Variants in GAS2 observed in about 807,000 individuals in gnomAD.
GAS2 encodes the protein growth arrest specific 2, also known as growth arrest-specific protein 2.
In GAS2, 20 loss-of-function variants were observed where a neutral mutation model predicts 37.5. That is an observed-to-expected ratio of 0.53 (90% CI 0.37 to 0.77). The LOEUF is 0.77. Among genes scored for constraint, GAS2 ranks in the 30% least tolerant of loss-of-function variants. GAS2 has a pLI of 0.00. For synonymous variants in GAS2, 144 were observed against 132.2 expected, an observed-to-expected ratio of 1.09 and a Z score of -0.61; for missense variants, 336 against 373.4, an observed-to-expected ratio of 0.90 and a Z score of 0.82.
At chr11:22,657,628 A>C (rs1848871281) in intron 1 of GAS2, among the ~76,000 whole-genome samples, 2 of 152,180 alleles carry the variant, frequency 1.3e-5, no homozygotes, top group South Asian at 4.1e-4. Context: ...AGGAAAACAG[A>C]GAAAGTAATA....
At chr11:22,727,358 C>T (rs1039650202) in intron 4 of GAS2, among the ~76,000 whole-genome samples, 1 of 152,034 alleles carries the variant, frequency 6.6e-6, no homozygotes, top group Admixed American at 6.6e-5. Context: ...GTAAGGTGAG[C>T]ATCCTTCAGA....
intron 5 of GAS2, among the ~76,000 whole-genome samples, chr11:22,748,774 G>A (rs1306797932): frequency 2.8e-4 from 43 of 152,044 alleles, no homozygotes; most frequent in Non-Finnish European, 8.8e-5. Flanking sequence ...TTTCATTACA[G>A]CACTAGTATC....
In GAS2 at chr11:22,749,219, G is replaced by A. The variant is rs376834852; in HGVS notation, c.573G>A (p.Lys191=). 2.5e-6 allele frequency: 4 copies of A among 1,612,058 alleles called. No homozygotes were observed. Among genetic ancestry groups the A allele is most frequent in the Non-Finnish European group, 3.4e-6 (4 of 1,179,030 alleles). ...APSPSPSPSS[K]SSGKKSTGNL... The stretch of plus-strand genomic sequence containing the variant: ...CTCCTTCACCTTCTCCTTCATCAAA[G>A]TCTTCTGGAAAAAAGAGTACAGGAA... The change falls in exon 6 of 8, where the codon AAG becomes AAA. Residue 191 remains lysine (K), a synonymous_variant. Coordinates refer to ENST00000454584, the MANE Select transcript of GAS2 (RefSeq NM_001143830.3).
intron 1 of GAS2, 66 bp from the exon 2 acceptor site, chr11:22,674,784 C>A: frequency 7.9e-7 from 1 of 1,266,364 alleles, no homozygotes; most frequent in Non-Finnish European, 1.1e-6. Flanking sequence ...ATTATAATGT[C>A]ATGATGACAA....
intron 1 of GAS2, among the ~76,000 whole-genome samples, chr11:22,673,415 G>T (rs1411221639): frequency 6.6e-6 from 1 of 152,160 alleles, no homozygotes; most frequent in African/African-American, 2.4e-5. Context: ...AAAACCTCAT[G>T]ATATCATATA....
At chr11:22,727,485 G>A (rs1272598298) in intron 4 of GAS2, among the ~76,000 whole-genome samples, 1 of 151,958 alleles carries the variant, frequency 6.6e-6, no homozygotes, top group Non-Finnish European at 1.5e-5. Flanking sequence ...CTAATTTTAT[G>A]TGCTTAAGGA....
At chr11:22,631,455 G>C (rs1406433777) in intron 1 of GAS2, among the ~76,000 whole-genome samples, 2 of 152,062 alleles carry the variant, frequency 1.3e-5, no homozygotes, top group East Asian at 3.9e-4. Flanking sequence ...GTTGGCTTTG[G>C]GTTTGTTATA....
intron 7 of GAS2, among the ~76,000 whole-genome samples, chr11:22,778,245 T>A (rs377435639): frequency 1.3e-5 from 2 of 152,306 alleles, no homozygotes; most frequent in East Asian, 3.9e-4. Context: ...TAATGTGAAT[T>A]ATAATGCTAC....
At chr11:22,659,924 G>GAA (rs2133844215) in intron 1 of GAS2, among the ~76,000 whole-genome samples, 1 of 150,182 alleles carries the variant, frequency 6.7e-6, no homozygotes, top group South Asian at 2.1e-4. Flanking sequence ...AAGGGAGGGA[G>GAA]GGAGGGAAGA....
At chr11:22,765,268 A>G (rs1564878335) in intron 7 of GAS2, among the ~76,000 whole-genome samples, 1 of 152,182 alleles carries the variant, frequency 6.6e-6, no homozygotes, top group Non-Finnish European at 1.5e-5. Context: ...TATATACAGA[A>G]ATATATGTGT....
At chr11:22,737,806 G>A (rs201829982) in intron 5 of GAS2, 38 bp downstream of exon 5, 291 of 1,577,468 alleles carry the variant, frequency 1.8e-4, no homozygotes, top group Non-Finnish European at 2.3e-4. Context: ...AGACATTGAC[G>A]ATTTCAGCAT....
In GAS2 at chr11:22,749,411, A is replaced by G. The variant is rs181426122; in HGVS notation, c.615+150A>G. On this transcript the variant is annotated intron_variant, in intron 6 of 7. Transcript: ENST00000454584. ...CCCATATGAAAAACTTTGTAGTCCTACAATTCATTTTGAGATTCAAAACTG... is the reference window on the plus strand; with the variant it reads ...CCCATATGAAAAACTTTGTAGTCCTGCAATTCATTTTGAGATTCAAAACTG... 37 of 664,174 alleles carry G rather than the reference A, an allele frequency of 5.6e-5. No homozygotes were observed. The Admixed American group carries it at 1.2e-3, about 21-fold the overall frequency. The allele number at this position is 664,174 out of a possible 1,614,324, so 41.1% of individuals were successfully genotyped here.
intron 3 of GAS2, among the ~76,000 whole-genome samples, chr11:22,714,104 C>T (rs1029209930): frequency 2.6e-5 from 4 of 152,116 alleles, no homozygotes; most frequent in African/African-American, 9.7e-5. Flanking sequence ...AATCCCAAAA[C>T]CAAGTGTCTG....
intron 7 of GAS2, among the ~76,000 whole-genome samples, chr11:22,769,816 A>G (rs770605224): frequency 3.3e-5 from 5 of 152,212 alleles, no homozygotes; most frequent in Non-Finnish European, 7.3e-5. Context: ...CATAAATTAC[A>G]TTTTTTAATT....
chr11:22,653,727 C>CA (rs58615561), intron 1 of GAS2, among the ~76,000 whole-genome samples: 36,734 of 152,148 alleles, frequency 0.24, 5,846 homozygotes, highest in African/African-American at 0.44. Flanking sequence ...AGGATTGAGA[C>CA]AATAGGTGTG....
At chr11:22,627,302 A>G (rs1222532031) in intron 1 of GAS2, among the ~76,000 whole-genome samples, 2 of 152,236 alleles carry the variant, frequency 1.3e-5, no homozygotes, top group African/African-American at 4.8e-5. Context: ...GATACATAGT[A>G]TGAGGTGCTA....
intron 7 of GAS2, among the ~76,000 whole-genome samples, chr11:22,758,132 C>T (rs1818388439): frequency 1.3e-5 from 2 of 152,138 alleles, no homozygotes; most frequent in Non-Finnish European, 2.9e-5. Flanking sequence ...CAAAAAATCT[C>T]ATAGGTATTG....
intron 2 of GAS2, among the ~76,000 whole-genome samples, chr11:22,682,888 G>GAAAAAAAAAAAAAAAAAAGAA (rs57025584): frequency 9.8e-6 from 1 of 102,364 alleles, no homozygotes; most frequent in African/African-American, 3.3e-5. Flanking sequence ...AAAAAAAAAG[G>GAAAAAAAAAAAAAAAAAAGAA]AAAAAAAAAA....
chr11:22,756,086 A>C, intron 7 of GAS2, 133 bp downstream of exon 7: 1 of 619,466 alleles, frequency 1.6e-6, no homozygotes, highest in Non-Finnish European at 2.8e-6. Flanking sequence ...GAATTTTTTT[A>C]AAGTAACATA....
Sources: allele counts gnomAD v4.1 joint callset (sites outside exome capture counted in the v4.1 genomes callset), GRCh38; gene constraint gnomAD v4.1.1; transcripts MANE v1.5; gene names NCBI Gene and HGNC (gene_info 2026-07-23, HGNC 2026-07-21).